Variants in SH3GL2 observed in about 807,000 individuals in gnomAD.
The protein encoded by SH3GL2 is endophilin-A1.
SH3GL2 carries 24 observed loss-of-function variants against 46.0 expected under a neutral mutation model. The observed-to-expected ratio is 0.52, with a 90% CI of 0.38 to 0.73. The LOEUF is 0.73. Ranked by LOEUF, SH3GL2 falls within the 30% of genes least tolerant of loss-of-function variation. SH3GL2 has a pLI of 0.00. For synonymous variants in SH3GL2, 196 were observed against 147.1 expected, an observed-to-expected ratio of 1.33 and a Z score of -2.40; for missense variants, 413 against 424.2, an observed-to-expected ratio of 0.97 and a Z score of 0.23.
At chr9:17,660,250 T>C (rs1170795604) in intron 1 of SH3GL2, among the ~76,000 whole-genome samples, 1 of 152,210 alleles carries the variant, frequency 6.6e-6, no homozygotes, top group Non-Finnish European at 1.5e-5. Context: ...TCCACTGTAA[T>C]AATCTGGATT....
chr9:17,763,986 A>T (rs1405027046), intron 3 of SH3GL2, among the ~76,000 whole-genome samples: 1 of 152,194 alleles, frequency 6.6e-6, no homozygotes, highest in Non-Finnish European at 1.5e-5. Flanking sequence ...TTAATAAAAA[A>T]CATCAAAGGA....
At chr9:17,636,668 C>T (rs944185356) in intron 1 of SH3GL2, among the ~76,000 whole-genome samples, 2 of 152,112 alleles carry the variant, frequency 1.3e-5, no homozygotes, top group African/African-American at 4.8e-5. Context: ...CCCTCATCAC[C>T]CTTATATCAA....
intron 8 of SH3GL2, among the ~76,000 whole-genome samples, chr9:17,794,139 G>A (rs1053008072): frequency 6.6e-6 from 1 of 152,194 alleles, no homozygotes; most frequent in Non-Finnish European, 1.5e-5. Context: ...GAATATCGAT[G>A]CATACCAAAT....
At chr9:17,584,834 A>G (rs528422258) in intron 1 of SH3GL2, among the ~76,000 whole-genome samples, 3 of 152,326 alleles carry the variant, frequency 2.0e-5, no homozygotes, top group Admixed American at 1.3e-4. Context: ...CTGTAGACTG[A>G]GAGTCCTCGT....
chr9:17,626,504 A>G (rs1028782206), intron 1 of SH3GL2, among the ~76,000 whole-genome samples: 4 of 152,166 alleles, frequency 2.6e-5, no homozygotes, highest in Non-Finnish European at 1.5e-5. Context: ...CTTCATGCTC[A>G]TGGATTTTTA....
intron 1 of SH3GL2, among the ~76,000 whole-genome samples, chr9:17,735,324 C>A (rs1328922538): frequency 6.6e-6 from 1 of 152,084 alleles, no homozygotes; most frequent in Non-Finnish European, 1.5e-5. Context: ...CACCTGTCCT[C>A]AGTTTAATGT....
intron 1 of SH3GL2, among the ~76,000 whole-genome samples, chr9:17,657,884 G>C (rs1388866999): frequency 6.6e-6 from 1 of 152,126 alleles, no homozygotes; most frequent in Non-Finnish European, 1.5e-5. Flanking sequence ...CTACCTCTCT[G>C]TTACCCTGGC....
At chr9:17,663,445 A>C (rs1016525593) in intron 1 of SH3GL2, among the ~76,000 whole-genome samples, 2 of 152,192 alleles carry the variant, frequency 1.3e-5, no homozygotes. Flanking sequence ...GTTAGACTGA[A>C]ATTTTAACAC....
intron 1 of SH3GL2, among the ~76,000 whole-genome samples, chr9:17,714,386 A>G (rs1821701557): frequency 6.6e-6 from 1 of 151,694 alleles, no homozygotes; most frequent in African/African-American, 2.4e-5. Context: ...TTAGGTTTAA[A>G]CCAGTCATCT....
chr9:17,744,586 C>T (rs959033845), intron 1 of SH3GL2, among the ~76,000 whole-genome samples: 3 of 152,146 alleles, frequency 2.0e-5, no homozygotes, highest in East Asian at 3.9e-4. Flanking sequence ...AGGCTGGTCT[C>T]GGAAATCCTG....
chr9:17,603,569 A>G (rs1017268304), intron 1 of SH3GL2, among the ~76,000 whole-genome samples: 6 of 152,114 alleles, frequency 3.9e-5, no homozygotes, highest in East Asian at 1.9e-4. Flanking sequence ...TGCATAAAAC[A>G]TGAATACACG....
At chr9:17,593,149 C>G (rs1335175792) in intron 1 of SH3GL2, among the ~76,000 whole-genome samples, 1 of 152,108 alleles carries the variant, frequency 6.6e-6, no homozygotes, top group Admixed American at 6.6e-5. Context: ...CTTTTAATAC[C>G]TTTCTAATAA....
intron 1 of SH3GL2, among the ~76,000 whole-genome samples, chr9:17,705,672 G>A (rs1821452704): frequency 6.6e-6 from 1 of 152,002 alleles, no homozygotes; most frequent in South Asian, 2.1e-4. Context: ...TGGAGCTGGA[G>A]GCCGTTATTC....
chr9:17,627,202 C>A (rs1265375305), intron 1 of SH3GL2, among the ~76,000 whole-genome samples: 1 of 152,156 alleles, frequency 6.6e-6, no homozygotes, highest in Non-Finnish European at 1.5e-5. Flanking sequence ...TATTAGCACT[C>A]ACCAATGAGA....
In SH3GL2 at chr9:17,656,583, C is replaced by T. The variant is rs200637655; in HGVS notation, c.45+77296C>T. On this transcript the variant is annotated intron_variant, in intron 1 of 8. Coordinates refer to ENST00000380607, the MANE Select transcript of SH3GL2 (RefSeq NM_003026.5). ...GTGATTGGTATGTTTTATCTTAATT[C>T]TACTTATTCTCTTAGTCATGCAAAG... Among the ~76,000 whole-genome samples the T allele has an allele frequency of 9.2e-5, 14 of 152,004 alleles. No individual in the cohort carries two copies. In the East Asian group the frequency reaches 2.3e-3, roughly 25 times the overall value.
intron 1 of SH3GL2, among the ~76,000 whole-genome samples, chr9:17,634,527 C>T (rs1819500542): frequency 6.6e-6 from 1 of 152,206 alleles, no homozygotes; most frequent in Non-Finnish European, 1.5e-5. Context: ...ATACCTCACT[C>T]ATTGTCAACC....
intron 1 of SH3GL2, among the ~76,000 whole-genome samples, chr9:17,594,691 G>T (rs182934085): frequency 6.6e-6 from 1 of 152,074 alleles, no homozygotes; most frequent in African/African-American, 2.4e-5. Context: ...GTGAAGTGTA[G>T]TGCTCGGCTC....
chr9:17,645,767 G>A (rs901378963), intron 1 of SH3GL2, among the ~76,000 whole-genome samples: 1 of 152,128 alleles, frequency 6.6e-6, no homozygotes, highest in African/African-American at 2.4e-5. Flanking sequence ...GCTTCCCTTT[G>A]TGGGTAACCT....
chr9:17,654,109 G>A (rs1820015828), intron 1 of SH3GL2, among the ~76,000 whole-genome samples: 1 of 152,122 alleles, frequency 6.6e-6, no homozygotes, highest in Non-Finnish European at 1.5e-5. Flanking sequence ...CTGCAGACTG[G>A]GGGAGGGCAA....
Sources: gnomAD v4.1 joint callset for allele counts (sites outside exome capture counted in the v4.1 genomes callset) on GRCh38, gnomAD v4.1.1 for gene constraint, MANE v1.5 for transcripts, NCBI Gene and HGNC (gene_info 2026-07-23, HGNC 2026-07-21) for gene names.